TCF3: variants seen among roughly 807,000 people sequenced by gnomAD.
The protein encoded by TCF3 is transcription factor E2-alpha.
In TCF3, 54 loss-of-function variants were observed where a neutral mutation model predicts 72.3. The observed-to-expected ratio is 0.75, with a 90% CI of 0.60 to 0.94. The LOEUF (loss-of-function observed/expected upper bound fraction) is 0.94, where lower values mean the gene tolerates loss of function less well. TCF3 is among the 40% of genes least tolerant of loss of function. TCF3 has a pLI of 0.00. For missense variants in TCF3, 1,078 were observed against 934.4 expected (o/e 1.15, Z -2.00); for synonymous variants, 525 against 412.6 (o/e 1.27, Z -3.30).
At chr19:1,612,642 G>A (rs915293528) in intron 18 of TCF3, among the ~76,000 whole-genome samples, 2 of 151,336 alleles carry the variant, frequency 1.3e-5, no homozygotes, top group African/African-American at 2.4e-5. Context: ...GTGGGTACAC[G>A]GCTGGTGTTG....
chr19:1,622,744 C>G (rs570069576), intron 8 of TCF3, among the ~76,000 whole-genome samples: 1 of 152,296 alleles, frequency 6.6e-6, no homozygotes, highest in South Asian at 2.1e-4. Context: ...CCCATCAAAA[C>G]CCCAGCTCCA....
intron 3 of TCF3, among the ~76,000 whole-genome samples, chr19:1,644,625 T>C (rs1029117929): frequency 5.9e-5 from 9 of 152,100 alleles, no homozygotes; most frequent in African/African-American, 4.8e-5. Flanking sequence ...TCTGCAAACA[T>C]TGGCAGGTTC....
At chr19:1,623,908 C>T in intron 8 of TCF3, 43 bp downstream of exon 8, 1 of 1,604,886 alleles carries the variant, frequency 6.2e-7, no homozygotes, top group Non-Finnish European at 8.5e-7. Flanking sequence ...CCTGGCACTG[C>T]CACTGACGAG....
intron 1 of TCF3, 63 bp from the exon 2 acceptor site, chr19:1,650,350 T>A: frequency 7.9e-7 from 1 of 1,268,642 alleles, no homozygotes; most frequent in South Asian, 1.3e-5. Flanking sequence ...GAGTTGTGAG[T>A]GGTCAAAGCA....
In TCF3 at chr19:1,615,365, T is replaced by A. The variant is rs1408500529; in HGVS notation, c.1742A>T (p.Asn581Ile). 2 of 1,613,952 alleles carry A rather than the reference T, an allele frequency of 1.2e-6. No individual in the cohort carries two copies. Among genetic ancestry groups the A allele is most frequent in the South Asian group, 1.1e-5 (1 of 91,082 alleles). Reference sequence around the variant, plus strand: ...CAGTTTGGTCTGGGGCTTCTCGCTGTTGAGGTGCAGTTGGCACATGCGCCC... The same window carrying A: ...CAGTTTGGTCTGGGGCTTCTCGCTGATGAGGTGCAGTTGGCACATGCGCCC... ...ELGRMCQLHL[N>I]SEKPQTKLLI... Residue 581 changes from asparagine (N) to isoleucine (I), a missense_variant, in exon 18 of 19, where the codon AAC becomes ATC. Physicochemically the swap from Asn to Ile is moderately radical, Grantham distance 149. Coordinates refer to ENST00000262965, the MANE Select transcript of TCF3 (RefSeq NM_003200.5). This position sits in a 1 kb window ranked among gnomAD's most constrained non-coding sequence, Gnocchi z 7.3.
intron 3 of TCF3, among the ~76,000 whole-genome samples, chr19:1,636,879 G>A (rs796320091): frequency 5.3e-5 from 8 of 152,288 alleles, no homozygotes; most frequent in African/African-American, 1.9e-4. Context: ...GGACAGCAGG[G>A]CCCTGTGGCC....
In TCF3 at chr19:1,619,149, G is replaced by A. The variant is rs765976086; in HGVS notation, c.1412C>T (p.Thr471Ile). ...GGGAGGCCGAGACAGGTCAGGGAGG[G>A]TGCCTGGCTGGCTGGGGAGGGCCGC... ...NHAALPSQPGTLPDLSRPPDS... is the reference protein window; with the variant it reads ...NHAALPSQPGILPDLSRPPDS... Residue 471 changes from threonine to isoleucine, a missense_variant, in exon 16 of 19, where the codon ACC becomes ATC. Transcript: ENST00000262965. The A allele has an allele frequency of 7.5e-6, 12 of 1,600,120 alleles. No individual in the cohort carries two copies. Among genetic ancestry groups the A allele is most frequent in the Non-Finnish European group, 1.0e-5 (12 of 1,179,770 alleles).
At position 1,615,533 on chromosome 19, in the gene TCF3, CGCCGGGAGGGG is replaced by C. The variant is rs759139084; in HGVS notation, c.1587-24_1587-14del. On this transcript the variant is annotated splice_polypyrimidine_tract_variant and intron_variant, in intron 17 of 18. Transcript: ENST00000262965. This position sits in a 1 kb window ranked among gnomAD's most constrained non-coding sequence, Gnocchi z 7.3. ...GTCCTCGTCTGGGCTATGGGGAGGG[CGCCGGGAGGGG>C]GCCAGAGGGAGACAGTGAGGTTGGG... 15 of 1,605,560 alleles carry C rather than the reference CGCCGGGAGGGG, an allele frequency of 9.3e-6. No homozygotes were observed. The Admixed American group carries it at 1.2e-4, about 12-fold the overall frequency.
Position 1,627,417 on chromosome 19 carries a change from C to T in TCF3, c.308G>A (p.Gly103Asp), listed in dbSNP as rs2144613219. The part of the protein sequence containing the change: ...FLGPGLGGKS[G>D]ERGAYASFGR... ...GAAGGAGGCATAGGCGCCCCGCTCACCGCTCTTGCCTGCAAGGGGAGAAGG... is the reference window on the plus strand; with the variant it reads ...GAAGGAGGCATAGGCGCCCCGCTCATCGCTCTTGCCTGCAAGGGGAGAAGG... Residue 103 changes from glycine (G) to aspartate (D), a missense_variant, in exon 6 of 19, where the codon GGT becomes GAT. Coordinates refer to ENST00000262965, the MANE Select transcript of TCF3 (RefSeq NM_003200.5). The T allele has an allele frequency of 6.2e-7, 1 of 1,611,998 alleles. No homozygotes were observed. Among genetic ancestry groups the T allele is most frequent in the South Asian group, 1.1e-5 (1 of 90,816 alleles).
chr19:1,640,219 C>T (rs1040590186), intron 3 of TCF3, among the ~76,000 whole-genome samples: 5 of 152,054 alleles, frequency 3.3e-5, no homozygotes, highest in South Asian at 2.1e-4. Flanking sequence ...GGTGGACAGA[C>T]AGGCGCCTAC....
chr19:1,625,428 C>G, intron 7 of TCF3, 148 bp downstream of exon 7: 1 of 1,102,112 alleles, frequency 9.1e-7, no homozygotes, highest in Non-Finnish European at 1.2e-6. Flanking sequence ...GTCCATCCCT[C>G]CCACGGCCCG....
intron 9 of TCF3, 24 bp from the exon 10 acceptor site, chr19:1,622,247 G>A (rs1457840011): frequency 6.6e-7 from 1 of 1,521,050 alleles, no homozygotes; most frequent in African/African-American, 1.4e-5. Flanking sequence ...CTGGTAAGGT[G>A]GGGGCCGAGT....
intron 18 of TCF3, among the ~76,000 whole-genome samples, chr19:1,613,960 G>A (rs1291596903): frequency 1.3e-5 from 2 of 152,264 alleles, no homozygotes; most frequent in Non-Finnish European, 2.9e-5. Context: ...TGCAGCTGGC[G>A]AGCGGGCACT....
rs1293916362 is a variant in TCF3, at chr19:1,610,103, A to G, written c.*1604T>C. The G allele has an allele frequency of 4.3e-6, 1 of 232,526 alleles. No homozygotes were observed. The highest frequency in any genetic ancestry group is 2.2e-5 in the African/African-American group (1 of 45,258). The allele number at this position is 232,526 out of a possible 1,614,324, so 14.4% of individuals were successfully genotyped here. On this transcript the variant is annotated 3_prime_UTR_variant, in exon 19 of 19. Coordinates refer to ENST00000262965, the MANE Select transcript of TCF3 (RefSeq NM_003200.5). ...AGACAGTCCCCAGCCAGCTGGGAAGAGCTGGTTACCCTCATGGCAAAAGAC... is the reference window on the plus strand; with the variant it reads ...AGACAGTCCCCAGCCAGCTGGGAAGGGCTGGTTACCCTCATGGCAAAAGAC...
chr19:1,638,338 C>T (rs1484171455), intron 3 of TCF3, among the ~76,000 whole-genome samples: 3 of 152,220 alleles, frequency 2.0e-5, no homozygotes, highest in Non-Finnish European at 4.4e-5. Flanking sequence ...TGCAAATACA[C>T]AATTATGAAC....
At chr19:1,646,744 G>A (rs1245585478) in intron 2 of TCF3, among the ~76,000 whole-genome samples, 2 of 152,230 alleles carry the variant, frequency 1.3e-5, no homozygotes, top group Middle Eastern at 3.2e-3. Context: ...TCTGGGGGGA[G>A]GGGTATCCCA....
chr19:1,611,562 G>T lies in TCF3; in HGVS notation c.*145C>A. The T allele has an allele frequency of 8.2e-7, 1 of 1,221,560 alleles. No homozygotes were observed. The highest frequency in any genetic ancestry group is 1.1e-6 in the Non-Finnish European group (1 of 901,762). 75.7% of individuals were successfully genotyped at this position (1,221,560 alleles called of 1,614,324 possible). On this transcript the variant is annotated 3_prime_UTR_variant, in exon 19 of 19. Transcript: ENST00000262965. ...TCACCTTGGCCGCCCCCATCACTCCGAACCTTGTCAGGTTGGTGTTGGCTC... is the reference window on the plus strand; with the variant it reads ...TCACCTTGGCCGCCCCCATCACTCCTAACCTTGTCAGGTTGGTGTTGGCTC...
rs942912168 is a variant in TCF3, at chr19:1,613,497, T to C, written c.1823-1648A>G. Among the ~76,000 whole-genome samples, 9 of 152,212 alleles carry C rather than the reference T, an allele frequency of 5.9e-5. No individual in the cohort carries two copies. In the East Asian group the frequency reaches 1.7e-3, roughly 29 times the overall value. ...GGAGGCCCAGTGCCTGCTCCTCTCT[T>C]TGTTCTTCCCTCCCAAGATGATGAC... On this transcript the variant is annotated intron_variant, in intron 18 of 18. Transcript: ENST00000262965.
chr19:1,611,602 G>A lies in TCF3; in HGVS notation c.*105C>T. The A allele has an allele frequency of 6.9e-7, 1 of 1,443,772 alleles. No homozygotes were observed. Among genetic ancestry groups the A allele is most frequent in the South Asian group, 1.3e-5 (1 of 74,110 alleles). 89.4% of individuals were successfully genotyped at this position (1,443,772 alleles called of 1,614,324 possible). ...GGTGTTGGCTCGATGCTGACAACAG[G>A]TGTGTGAGGTGTGGATGTGGATGAA... On this transcript the variant is annotated 3_prime_UTR_variant, in exon 19 of 19. Coordinates refer to ENST00000262965, the MANE Select transcript of TCF3 (RefSeq NM_003200.5).
Sources: gnomAD v4.1 joint callset for allele counts (sites outside exome capture counted in the v4.1 genomes callset) on GRCh38, gnomAD v4.1.1 for gene constraint, Gnocchi (gnomAD v3.1) non-coding constraint, MANE v1.5 for transcripts, NCBI Gene and HGNC (gene_info 2026-07-23, HGNC 2026-07-21) for gene names.